GABRP: variants seen among roughly 807,000 people sequenced by gnomAD.
GABRP encodes the protein gamma-aminobutyric acid type A receptor subunit pi.
GABRP carries 52 observed loss-of-function variants against 47.8 expected under a neutral mutation model. That is an observed-to-expected ratio of 1.09 (90% CI 0.87 to 1.37). GABRP has a LOEUF of 1.37. Among genes scored for constraint, GABRP ranks in the 40% most tolerant of loss-of-function variants. The pLI is 0.00. For missense variants in GABRP, 525 were observed against 542.8 expected (o/e 0.97, Z 0.33); for synonymous variants, 221 against 205.8 (o/e 1.07, Z -0.63).
At chr5:170,809,456 A>G in intron 8 of GABRP, 112 bp from the exon 9 acceptor site, 1 of 992,314 alleles carries the variant, frequency 1.0e-6, no homozygotes, top group Non-Finnish European at 1.6e-6. Flanking sequence ...GATGCATTCC[A>G]TTTCTGGGTC....
At chr5:170,794,915 C>T (rs556058177) in intron 4 of GABRP, among the ~76,000 whole-genome samples, 115 of 151,374 alleles carry the variant, frequency 7.6e-4, no homozygotes, top group African/African-American at 2.5e-3. Flanking sequence ...TTGAACATGG[C>T]GTTCCCTTTT....
At chr5:170,790,289 G>A (rs1394337383) in intron 3 of GABRP, among the ~76,000 whole-genome samples, 1 of 152,140 alleles carries the variant, frequency 6.6e-6, no homozygotes, top group Non-Finnish European at 1.5e-5. Context: ...AAGTGGTTTA[G>A]CCTTCTGTGC....
chr5:170,791,391 T>A (rs1765264978), intron 3 of GABRP, among the ~76,000 whole-genome samples: 1 of 152,254 alleles, frequency 6.6e-6, no homozygotes, highest in African/African-American at 2.4e-5. Context: ...GTAATGTCTG[T>A]GCACCCAGTT....
rs1404123576 is a variant in GABRP, at chr5:170,813,385, T to C, written c.*1127T>C. ...GGCTTAGCTTAAGTAAACTTGGCTT[T>C]GCTCAGATCCCTGATCCTTCCAGCT... On this transcript the variant is annotated 3_prime_UTR_variant, in exon 10 of 10. Coordinates refer to ENST00000265294, the MANE Select transcript of GABRP (RefSeq NM_014211.3). 1 of 152,294 alleles carries C rather than the reference T, an allele frequency of 6.6e-6. No homozygotes were observed. The highest frequency in any genetic ancestry group is 1.5e-5 in the Non-Finnish European group (1 of 68,092). The allele number at this position is 152,294 out of a possible 1,614,324, so 9.4% of individuals were successfully genotyped here.
intron 5 of GABRP, among the ~76,000 whole-genome samples, chr5:170,795,705 G>A (rs190723902): frequency 6.6e-6 from 1 of 152,286 alleles, no homozygotes; most frequent in Admixed American, 6.5e-5. Flanking sequence ...CTGGTGCTGG[G>A]GCCCAAGTTA....
In GABRP at chr5:170,802,623, C is replaced by T. The variant is rs139229374; in HGVS notation, c.542-3093C>T. ...CCGTGTATCGTGGCTGGGCTCATCT[C>T]AAATCCCAGGAGACAGATTCTCCTG... is the stretch of plus-strand genomic sequence containing the variant. On this transcript the variant is annotated intron_variant, in intron 6 of 9. Transcript: ENST00000265294. Among the ~76,000 whole-genome samples the T allele has an allele frequency of 2.5e-3, 381 of 152,276 alleles. 2 individuals carry two copies. The highest frequency in any genetic ancestry group is 8.6e-3 in the African/African-American group (359 of 41,564).
At chr5:170,788,741 GCTC>G in intron 2 of GABRP, 73 bp downstream of exon 2, 2 of 1,407,018 alleles carry the variant, frequency 1.4e-6, no homozygotes, top group Non-Finnish European at 1.0e-6. Flanking sequence ...GGAGGGGGCA[GCTC>G]CTCCTATTCA....
chr5:170,803,852 C>T (rs1266608175), intron 6 of GABRP, among the ~76,000 whole-genome samples: 1 of 152,156 alleles, frequency 6.6e-6, no homozygotes, highest in Non-Finnish European at 1.5e-5. Context: ...TCTAGGCTCA[C>T]TGCAAACTCC....
chr5:170,795,925 T>G (rs941851170), intron 5 of GABRP, among the ~76,000 whole-genome samples: 3 of 152,196 alleles, frequency 2.0e-5, no homozygotes, highest in Non-Finnish European at 4.4e-5. Context: ...TGAGTCATGT[T>G]TGTAGAGAAA....
intron 6 of GABRP, among the ~76,000 whole-genome samples, chr5:170,801,518 C>T (rs1365112244): frequency 6.6e-6 from 1 of 152,152 alleles, no homozygotes; most frequent in Non-Finnish European, 1.5e-5. Flanking sequence ...GTGCCAGTTC[C>T]CTTGCATTAC....
intron 1 of GABRP, among the ~76,000 whole-genome samples, chr5:170,785,114 G>T (rs1242331614): frequency 2.0e-5 from 3 of 152,204 alleles, no homozygotes; most frequent in African/African-American, 7.2e-5. Flanking sequence ...GCCACTTAAC[G>T]ATTGGCTCGT....
chr5:170,786,238 A>G (rs1765128599), intron 1 of GABRP, among the ~76,000 whole-genome samples: 1 of 152,222 alleles, frequency 6.6e-6, no homozygotes, highest in South Asian at 2.1e-4. Context: ...GGACAGGGAA[A>G]GGACAGGGAT....
At chr5:170,785,943 C>T (rs1033673910) in intron 1 of GABRP, among the ~76,000 whole-genome samples, 2 of 152,220 alleles carry the variant, frequency 1.3e-5, no homozygotes, top group African/African-American at 4.8e-5. Flanking sequence ...ACTCACTCTT[C>T]AAGAATCAAA....
intron 6 of GABRP, among the ~76,000 whole-genome samples, chr5:170,805,312 G>A (rs930940203): frequency 2.0e-5 from 3 of 151,996 alleles, no homozygotes; most frequent in African/African-American, 7.2e-5. Flanking sequence ...TGCCAATATA[G>A]AAATATGAAC....
At chr5:170,789,953 A>C (rs1765224250) in intron 3 of GABRP, among the ~76,000 whole-genome samples, 1 of 152,100 alleles carries the variant, frequency 6.6e-6, no homozygotes, top group Non-Finnish European at 1.5e-5. Flanking sequence ...GCCTCCCCTG[A>C]TTCCTCCAGG....
At chr5:170,791,712 A>G (rs1291724808) in intron 3 of GABRP, among the ~76,000 whole-genome samples, 1 of 152,194 alleles carries the variant, frequency 6.6e-6, no homozygotes, top group Non-Finnish European at 1.5e-5. Flanking sequence ...TTCTTCAGGG[A>G]GGGCAACTAA....
chr5:170,785,663 C>T (rs1765110230), intron 1 of GABRP, among the ~76,000 whole-genome samples: 1 of 152,180 alleles, frequency 6.6e-6, no homozygotes, highest in Non-Finnish European at 1.5e-5. Flanking sequence ...ACTGGGAAAG[C>T]ACTATTCAAG....
chr5:170,792,927 A>G (rs997524954), intron 3 of GABRP, among the ~76,000 whole-genome samples: 5 of 152,146 alleles, frequency 3.3e-5, no homozygotes, highest in African/African-American at 1.2e-4. Flanking sequence ...ATGCTATTGC[A>G]TCTATTAGCC....
At chr5:170,805,104 T>C (rs116277412) in intron 6 of GABRP, among the ~76,000 whole-genome samples, 1,507 of 149,582 alleles carry the variant, frequency 0.01, 35 homozygotes, top group African/African-American at 0.03. Flanking sequence ...CATCTTAGAA[T>C]TGAGGAAATA....
Sources: gnomAD v4.1 joint callset for allele counts (sites outside exome capture counted in the v4.1 genomes callset) on GRCh38, gnomAD v4.1.1 for gene constraint, MANE v1.5 for transcripts, NCBI Gene and HGNC (gene_info 2026-07-23, HGNC 2026-07-21) for gene names.